Variants in CYP2C8 observed in about 807,000 individuals in gnomAD.
The protein encoded by CYP2C8 is cytochrome P450 2C8.
Under a neutral mutation model 41.3 loss-of-function variants are expected in CYP2C8, and 51 were observed. The observed-to-expected ratio is 1.24, with a 90% CI of 0.99 to 1.56. The LOEUF (loss-of-function observed/expected upper bound fraction) is 1.56, where lower values mean the gene tolerates loss of function less well. Ranked by LOEUF, CYP2C8 falls within the 40% of genes most tolerant of loss-of-function variation. The pLI, the probability that CYP2C8 is intolerant of heterozygous loss-of-function variation, is 0.00. For missense variants in CYP2C8, 651 were observed against 579.9 expected, an observed-to-expected ratio of 1.12 and a Z score of -1.26; for synonymous variants, 218 against 205.8, an observed-to-expected ratio of 1.06 and a Z score of -0.51.
Position 95,037,041 on chromosome 10 carries a change from TC to T in CYP2C8, c.*86del. On this transcript the variant is annotated 3_prime_UTR_variant, in exon 9 of 9. Coordinates refer to ENST00000371270, the MANE Select transcript of CYP2C8 (RefSeq NM_000770.3). ...GTGAATGGGAAGATTTGATGAGAGG[TC>T]AGAGAAGACATAATAGTGGGAATGT... is the stretch of plus-strand genomic sequence containing the variant. The T allele has an allele frequency of 8.0e-7, 1 of 1,243,414 alleles. No homozygotes were observed. The highest frequency in any genetic ancestry group is 1.2e-6 in the Non-Finnish European group (1 of 849,806). The allele number at this position is 1,243,414 out of a possible 1,614,324, so 77.0% of individuals were successfully genotyped here.
chr10:95,041,662 T>G (rs2032998704), intron 7 of CYP2C8, among the ~76,000 whole-genome samples: 2 of 151,536 alleles, frequency 1.3e-5, no homozygotes, highest in African/African-American at 4.9e-5. Context: ...GCGCCTGTAG[T>G]CCCAGCTACT....
intron 4 of CYP2C8, among the ~76,000 whole-genome samples, chr10:95,059,072 T>G (rs979573902): frequency 1.4e-4 from 22 of 152,326 alleles, no homozygotes; most frequent in African/African-American, 5.1e-4. Context: ...GTTCCAAGTC[T>G]TTGCTATTGT....
At chr10:95,045,629 ATCC>A (rs1438084661) in intron 6 of CYP2C8, among the ~76,000 whole-genome samples, 178 bp downstream of exon 6, 1 of 152,230 alleles carries the variant, frequency 6.6e-6, no homozygotes, top group Non-Finnish European at 1.5e-5. Context: ...GATCTCTGTC[ATCC>A]TCCTCCATTG....
At chr10:95,047,441 A>G (rs1025003115) in intron 5 of CYP2C8, among the ~76,000 whole-genome samples, 4 of 152,338 alleles carry the variant, frequency 2.6e-5, no homozygotes, top group Admixed American at 6.5e-5. Flanking sequence ...TATCACCTAC[A>G]TATTCATTAC....
chr10:95,037,295 C>A lies in CYP2C8; in HGVS notation c.1306G>T (p.Ala436Ser), dbSNP rs755161565. Reference protein sequence around the residue: ...MPFSAGKRICAGEGLARMELF... With the variant: ...MPFSAGKRICSGEGLARMELF... ...TCCATGCGGGCAAGTCCTTCTCCTG[C>A]ACAAATTCGTTTTCCTGAAGATAAC... The change falls in exon 9 of 9, where the codon GCA becomes TCA. Residue 436 changes from alanine (A) to serine (S), a missense_variant. Transcript: ENST00000371270. 2 of 1,613,372 alleles carry A rather than the reference C, an allele frequency of 1.2e-6. No individual in the cohort carries two copies. The highest frequency in any genetic ancestry group is 1.7e-6 in the Non-Finnish European group (2 of 1,179,698).
At chr10:95,058,857 T>G (rs1332067422) in intron 4 of CYP2C8, among the ~76,000 whole-genome samples, 1 of 152,070 alleles carries the variant, frequency 6.6e-6, no homozygotes, top group Non-Finnish European at 1.5e-5. Context: ...AGTGTTCTCA[T>G]TGTTCAATTC....
Position 95,037,143 on chromosome 10 carries a change from G to A in CYP2C8, c.1458C>T (p.Cys486=), listed in dbSNP as rs756623714. ...IVSLPPSYQI[C]FIPV The stretch of plus-strand genomic sequence containing the variant: ...CTAGCATTCTTCAGACAGGGATGAA[G>A]CAGATCTGGTATGAGGGTGGCAGAG... The change falls in exon 9 of 9, where the codon TGC becomes TGT. Residue 486 remains cysteine (C), a synonymous_variant. Transcript: ENST00000371270. The A allele has an allele frequency of 1.2e-6, 2 of 1,613,958 alleles. No homozygotes were observed. The highest frequency in any genetic ancestry group is 3.3e-5 in the Admixed American group (2 of 60,010).
Position 95,037,277 on chromosome 10 carries a change from G to C in CYP2C8, c.1324C>G (p.Arg442Gly). The C allele has an allele frequency of 6.2e-7, 1 of 1,613,586 alleles. No homozygotes were observed. Among genetic ancestry groups the C allele is most frequent in the Non-Finnish European group, 8.5e-7 (1 of 1,179,770 alleles). The change falls in exon 9 of 9, where the codon CGC becomes GGC. Residue 442 changes from arginine to glycine, a missense_variant. Coordinates refer to ENST00000371270, the MANE Select transcript of CYP2C8 (RefSeq NM_000770.3). ...KRICAGEGLARMELFLFLTTI... is the reference protein window; with the variant it reads ...KRICAGEGLAGMELFLFLTTI... ...GTTAGAAATAAAAATAGCTCCATGC[G>C]GGCAAGTCCTTCTCCTGCACAAATT...
intron 3 of CYP2C8, among the ~76,000 whole-genome samples, chr10:95,066,808 C>T (rs1016979300): frequency 2.6e-5 from 4 of 152,146 alleles, no homozygotes; most frequent in East Asian, 1.9e-4. Context: ...GTGATGAGGT[C>T]ACTTTCACCA....
chr10:95,062,973 C>G (rs2033471784), intron 4 of CYP2C8, among the ~76,000 whole-genome samples: 1 of 152,244 alleles, frequency 6.6e-6, no homozygotes, highest in African/African-American at 2.4e-5. Context: ...GGCCACCACT[C>G]TCTTCTGGCT....
rs1397891801 is a variant in CYP2C8 at position 95,058,371 on chromosome 10, C to T, written c.783G>A (p.Arg261=). The T allele has an allele frequency of 1.9e-6, 3 of 1,613,354 alleles. No homozygotes were observed. Among genetic ancestry groups the T allele is most frequent in the Non-Finnish European group, 2.5e-6 (3 of 1,179,590 alleles). ...HQASLDVNNP[R]DFIDCFLIKM... ...TGATCAGGAAGCAATCGATAAAGTC[C>T]CGAGGATTGTTAACATCCAGTGATG... Residue 261 remains arginine (R), a synonymous_variant, in exon 5 of 9, where the codon CGG becomes CGA. Transcript: ENST00000371270.
Position 95,043,080 on chromosome 10 carries a change from G to A in CYP2C8, c.962-3C>T. ...ATCAATCTCTTCCTGGACTTTAGCT[G>A]ACAAGACACAAGAAAGAACTGATGG... On this transcript the variant is annotated splice_polypyrimidine_tract_variant and splice_region_variant and intron_variant, in intron 6 of 8. Transcript: ENST00000371270. 6.2e-7 allele frequency: 1 copy of A among 1,614,048 alleles called. No individual in the cohort carries two copies. The highest frequency in any genetic ancestry group is 8.5e-7 in the Non-Finnish European group (1 of 1,179,956).
Position 95,069,289 on chromosome 10 carries a change from A to G in CYP2C8, c.114T>C (p.Ile38=). ...KLPPGPTPLP[I]IGNMLQIDVK... is the part of the protein sequence containing the mutation. ...CATCTATCTGTAGCATATTTCCAAT[A>G]ATAGGAAGAGGAGTGGGGCCAGGAG... is the stretch of plus-strand genomic sequence containing the variant. Residue 38 remains isoleucine, a synonymous_variant, in exon 1 of 9, where the codon ATT becomes ATC. Transcript: ENST00000371270. 1 of 1,614,036 alleles carries G rather than the reference A, an allele frequency of 6.2e-7. No individual in the cohort carries two copies. Among genetic ancestry groups the G allele is most frequent in the Non-Finnish European group, 8.5e-7 (1 of 1,179,924 alleles).
intron 4 of CYP2C8, among the ~76,000 whole-genome samples, chr10:95,059,845 T>G (rs945933294): frequency 1.3e-5 from 2 of 152,230 alleles, no homozygotes; most frequent in South Asian, 2.1e-4. Flanking sequence ...GGGATCCAGT[T>G]TCAGCTTTCT....
intron 5 of CYP2C8, among the ~76,000 whole-genome samples, chr10:95,053,600 A>G (rs1589441886): frequency 6.6e-6 from 1 of 152,196 alleles, no homozygotes. Flanking sequence ...AAAAGAATGA[A>G]TTCATGTCCT....
rs1221955267 is a variant in CYP2C8, at chr10:95,067,201, C to G, written c.481+7G>C. On this transcript the variant is annotated splice_region_variant and intron_variant, in intron 3 of 8. Coordinates refer to ENST00000371270, the MANE Select transcript of CYP2C8 (RefSeq NM_000770.3). ...TAAGGTCAATGACGCAGAGTAGAGT[C>G]ACCCACCCTTGGTTTTTCTCAACTC... 1.2e-6 allele frequency: 2 copies of G among 1,614,032 alleles called. No homozygotes were observed. The highest frequency in any genetic ancestry group is 2.2e-5 in the East Asian group (1 of 44,878).
intron 5 of CYP2C8, among the ~76,000 whole-genome samples, chr10:95,057,925 T>C (rs1376006936): frequency 1.3e-5 from 2 of 152,158 alleles, no homozygotes; most frequent in African/African-American, 2.4e-5. Context: ...GAAAATATAT[T>C]AAGGGCTATG....
intron 4 of CYP2C8, among the ~76,000 whole-genome samples, chr10:95,063,588 C>T (rs999267909): frequency 6.6e-5 from 10 of 152,156 alleles, no homozygotes; most frequent in Non-Finnish European, 1.2e-4. Context: ...GTTTGAGCTT[C>T]CTCCTTTAGG....
At chr10:95,040,227 C>T (rs1156527155) in intron 7 of CYP2C8, among the ~76,000 whole-genome samples, 1 of 152,138 alleles carries the variant, frequency 6.6e-6, no homozygotes, top group African/African-American at 2.4e-5. Context: ...GCATTACATA[C>T]TGCAGTATTG....
Sources: allele counts gnomAD v4.1 joint callset (sites outside exome capture counted in the v4.1 genomes callset), GRCh38; gene constraint gnomAD v4.1.1; transcripts MANE v1.5; gene names NCBI Gene and HGNC (gene_info 2026-07-23, HGNC 2026-07-21).